The following ARHGEF26 variants were observed in gnomAD, a reference collection of about 807,000 sequenced individuals.
ARHGEF26 encodes the protein Rho guanine nucleotide exchange factor 26.
ARHGEF26 carries 59 observed loss-of-function variants against 89.4 expected under a neutral mutation model. That is an observed-to-expected ratio of 0.66 (90% CI 0.54 to 0.82). The LOEUF is 0.82. ARHGEF26 is among the 40% of genes least tolerant of loss of function. The pLI is 0.00. For synonymous variants in ARHGEF26, 500 were observed against 428.4 expected, an observed-to-expected ratio of 1.17 and a Z score of -2.06; for missense variants, 1,234 against 1,085.6, an observed-to-expected ratio of 1.14 and a Z score of -1.92.
In ARHGEF26 at chr3:154,152,948, T is replaced by C; in HGVS notation, c.1487+16T>C. On this transcript the variant is annotated intron_variant, in intron 6 of 14. Coordinates refer to ENST00000465093, the MANE Select transcript of ARHGEF26 (RefSeq NM_015595.4). ...CAAGCAAAAAGTAAGTGCACTGCAG[T>C]CTGCCTTTGGTCGTGCCAAGAAGTT... The C allele has an allele frequency of 6.5e-7, 1 of 1,537,430 alleles. No individual in the cohort carries two copies. The highest frequency in any genetic ancestry group is 8.7e-7 in the Non-Finnish European group (1 of 1,143,156).
chr3:154,135,943 C>T (rs976002357), intron 4 of ARHGEF26, among the ~76,000 whole-genome samples: 2 of 152,140 alleles, frequency 1.3e-5, no homozygotes, highest in East Asian at 1.9e-4. Context: ...ATGTTAAGTT[C>T]GGTGATGGAA....
chr3:154,163,233 C>G (rs1467750911), intron 6 of ARHGEF26, among the ~76,000 whole-genome samples: 1 of 152,066 alleles, frequency 6.6e-6, no homozygotes, highest in Non-Finnish European at 1.5e-5. Flanking sequence ...ATCAATGAGC[C>G]TTTGGTAAAA....
At chr3:154,173,682 T>C (rs898140619) in intron 6 of ARHGEF26, among the ~76,000 whole-genome samples, 1 of 152,220 alleles carries the variant, frequency 6.6e-6, no homozygotes, top group Admixed American at 6.5e-5. Context: ...TTGATACATG[T>C]ATAAAACTAT....
chr3:154,233,230 A>G (rs1307855589), intron 11 of ARHGEF26, among the ~76,000 whole-genome samples: 9 of 152,102 alleles, frequency 5.9e-5, no homozygotes, highest in Admixed American at 5.9e-4. Flanking sequence ...TCCACTAAAA[A>G]CATGTTAGTA....
chr3:154,238,930 C>T (rs989675456), intron 11 of ARHGEF26, among the ~76,000 whole-genome samples: 6 of 151,596 alleles, frequency 4.0e-5, no homozygotes, highest in African/African-American at 1.5e-4. Flanking sequence ...GGGGGGGAGG[C>T]GGAAGGTTGT....
chr3:154,191,083 CAT>C (rs1477127287), intron 7 of ARHGEF26, among the ~76,000 whole-genome samples: 12 of 152,184 alleles, frequency 7.9e-5, no homozygotes, highest in African/African-American at 2.4e-4. Context: ...GTGAAATCCA[CAT>C]CTTATTATAT....
chr3:154,163,857 A>G (rs575567425), intron 6 of ARHGEF26, among the ~76,000 whole-genome samples: 20 of 152,184 alleles, frequency 1.3e-4, no homozygotes, highest in Admixed American at 5.9e-4. Context: ...CTAATTGATT[A>G]TAAAAGTATC....
rs537149073 is a variant in ARHGEF26 at position 154,150,285 on chromosome 3, TCTC to T, written c.1326+843_1326+845del. On this transcript the variant is annotated intron_variant, in intron 5 of 14. Transcript: ENST00000465093. ...ACAAATGTATAACAATCGTAATTTTTCTCCTTTTTTAAAAAGAACATAAAACTG... is the reference window on the plus strand; with the variant it reads ...ACAAATGTATAACAATCGTAATTTTTCTTTTTTAAAAAGAACATAAAACTG... Among the ~76,000 whole-genome samples, 1,009 of 152,186 alleles carry T rather than the reference TCTC, an allele frequency of 6.6e-3. 12 individuals carry two copies. The highest frequency in any genetic ancestry group is 0.023 in the African/African-American group (940 of 41,550).
chr3:154,194,139 T>G (rs1714136332), intron 8 of ARHGEF26, among the ~76,000 whole-genome samples: 1 of 152,178 alleles, frequency 6.6e-6, no homozygotes. Context: ...TTCTTTTTAT[T>G]CAAAATGTAT....
intron 11 of ARHGEF26, among the ~76,000 whole-genome samples, chr3:154,227,067 C>T (rs1382624747): frequency 6.6e-6 from 1 of 152,078 alleles, no homozygotes; most frequent in Non-Finnish European, 1.5e-5. Context: ...TCTTTTTGCT[C>T]CTTTTAATCA....
chr3:154,216,775 A>G (rs1339554345), intron 9 of ARHGEF26, among the ~76,000 whole-genome samples: 1 of 69,010 alleles, frequency 1.4e-5, no homozygotes. Context: ...ATGAGTGAGA[A>G]TACGCGGTGT....
At chr3:154,182,257 G>C (rs955864713) in intron 6 of ARHGEF26, among the ~76,000 whole-genome samples, 1 of 152,100 alleles carries the variant, frequency 6.6e-6, no homozygotes, top group African/African-American at 2.4e-5. Flanking sequence ...AGAGAACTTA[G>C]CCTATCCCAG....
chr3:154,240,686 G>A (rs1717435702), intron 12 of ARHGEF26, 107 bp downstream of exon 12: 1 of 985,038 alleles, frequency 1.0e-6, no homozygotes, highest in Non-Finnish European at 1.5e-6. Flanking sequence ...TCATGTTTTT[G>A]TTGAGCACCT....
intron 9 of ARHGEF26, among the ~76,000 whole-genome samples, chr3:154,201,224 A>T (rs904769878): frequency 6.9e-6 from 1 of 145,804 alleles, no homozygotes; most frequent in Non-Finnish European, 1.5e-5. Flanking sequence ...TCATTGTTCA[A>T]TTCCCACCTA....
chr3:154,196,929 C>CT, intron 9 of ARHGEF26, among the ~76,000 whole-genome samples: 1 of 151,368 alleles, frequency 6.6e-6, no homozygotes, highest in Non-Finnish European at 1.5e-5. Flanking sequence ...TAGGAAGGTA[C>CT]TAGTAGTTGG....
intron 6 of ARHGEF26, among the ~76,000 whole-genome samples, chr3:154,156,926 C>T (rs1051803112): frequency 1.2e-4 from 19 of 152,094 alleles, no homozygotes; most frequent in African/African-American, 4.3e-4. Context: ...AAAATTATAG[C>T]TATAGGTGAT....
chr3:154,226,694 CA>C (rs1559912606), intron 11 of ARHGEF26, among the ~76,000 whole-genome samples: 74 of 139,970 alleles, frequency 5.3e-4, no homozygotes, highest in Non-Finnish European at 3.7e-4. Context: ...CACACACACA[CA>C]CCCCTTCAGC....
intron 4 of ARHGEF26, among the ~76,000 whole-genome samples, chr3:154,146,366 A>C (rs191703845): frequency 4.6e-5 from 7 of 152,302 alleles, no homozygotes; most frequent in African/African-American, 1.7e-4. Flanking sequence ...GAGGACACAA[A>C]CCTTCAGACC....
At chr3:154,238,985 T>C (rs1717288587) in intron 11 of ARHGEF26, among the ~76,000 whole-genome samples, 1 of 151,802 alleles carries the variant, frequency 6.6e-6, no homozygotes, top group African/African-American at 2.4e-5. Context: ...TAATGGTTGG[T>C]GTTGAGGATT....
Sources: gnomAD v4.1 joint callset for allele counts (sites outside exome capture counted in the v4.1 genomes callset) on GRCh38, gnomAD v4.1.1 for gene constraint, MANE v1.5 for transcripts, NCBI Gene and HGNC (gene_info 2026-07-23, HGNC 2026-07-21) for gene names.